The following PRR16 variants were observed in gnomAD, a reference collection of about 807,000 sequenced individuals.
PRR16 encodes proline rich 16.
A neutral mutation model predicts 18.2 loss-of-function variants in PRR16; 6 were observed. The ratio of observed to expected loss-of-function variants is 0.33; its 90% confidence interval spans 0.18 to 0.65. The LOEUF (loss-of-function observed/expected upper bound fraction) is 0.65, where lower values mean the gene tolerates loss of function less well. Among genes scored for constraint, PRR16 ranks in the 30% least tolerant of loss-of-function variants. The pLI, the probability that PRR16 is intolerant of heterozygous loss-of-function variation, is 0.74. For synonymous variants in PRR16, 151 were observed against 147.8 expected, an observed-to-expected ratio of 1.02 and a Z score of -0.16; for missense variants, 412 against 376.6, an observed-to-expected ratio of 1.09 and a Z score of -0.78.
intron 1 of PRR16, among the ~76,000 whole-genome samples, chr5:120,575,700 G>C (rs1360436592): frequency 1.3e-5 from 2 of 152,052 alleles, no homozygotes; most frequent in Admixed American, 1.3e-4. Context: ...ATACGGAATG[G>C]GGAAAAGCTG....
chr5:120,604,359 C>A (rs1754082841), intron 1 of PRR16, among the ~76,000 whole-genome samples: 1 of 151,980 alleles, frequency 6.6e-6, no homozygotes, highest in Non-Finnish European at 1.5e-5. Flanking sequence ...TTGTCTGAAA[C>A]AGGAATAGCA....
At position 120,683,308 on chromosome 5, in the gene PRR16, T is replaced by C. The variant is rs376938038; in HGVS notation, c.160-2646T>C. Reference sequence around the variant, plus strand: ...GCGTTTGAGACCAGCCTGGCCAACATAGTGAAATCCCGTCTCTTTTTGTAT... The same window carrying C: ...GCGTTTGAGACCAGCCTGGCCAACACAGTGAAATCCCGTCTCTTTTTGTAT... On this transcript the variant is annotated intron_variant, in intron 1 of 1. Coordinates refer to ENST00000407149, the MANE Select transcript of PRR16 (RefSeq NM_001300783.2). Among the ~76,000 whole-genome samples, 359 of 152,090 alleles carry C rather than the reference T, an allele frequency of 2.4e-3. 15 individuals are homozygous for C. The South Asian group carries it at 0.071, about 30-fold the overall frequency.
At chr5:120,711,498 A>G in the PRR16 span, among the ~76,000 whole-genome samples, 1 of 152,194 alleles carries the variant, frequency 6.6e-6, no homozygotes, top group African/African-American at 2.4e-5. Context: ...CTACTACCCC[A>G]AGCTGATTAA....
At chr5:120,783,347 T>G in the PRR16 span, among the ~76,000 whole-genome samples, 13 of 152,150 alleles carry the variant, frequency 8.5e-5, no homozygotes, top group African/African-American at 1.4e-4. Flanking sequence ...TCTAATTCAA[T>G]CATAGGTATT....
At chr5:120,523,853 C>G (rs1751267082) in intron 1 of PRR16, among the ~76,000 whole-genome samples, 1 of 152,000 alleles carries the variant, frequency 6.6e-6, no homozygotes, top group Non-Finnish European at 1.5e-5. Flanking sequence ...CAGAAACACT[C>G]TAATAAAAGT....
the PRR16 span, among the ~76,000 whole-genome samples, chr5:120,700,306 T>G: frequency 6.6e-6 from 1 of 152,126 alleles, no homozygotes; most frequent in Non-Finnish European, 1.5e-5. Flanking sequence ...GCTTTAAATC[T>G]TTTTAAAGCG....
intron 1 of PRR16, among the ~76,000 whole-genome samples, chr5:120,630,123 C>A (rs1451801057): frequency 6.6e-6 from 1 of 151,822 alleles, no homozygotes; most frequent in Non-Finnish European, 1.5e-5. Context: ...ATTTTTCTTA[C>A]TTTTATTCTT....
intron 1 of PRR16, among the ~76,000 whole-genome samples, chr5:120,651,399 T>A (rs1755784361): frequency 6.6e-6 from 1 of 152,198 alleles, no homozygotes; most frequent in African/African-American, 2.4e-5. Context: ...ATGAAGTCCT[T>A]GCCCATGCCT....
At chr5:120,742,625 A>C in the PRR16 span, among the ~76,000 whole-genome samples, 1 of 152,162 alleles carries the variant, frequency 6.6e-6, no homozygotes, top group Non-Finnish European at 1.5e-5. Flanking sequence ...TCTTCAAAGA[A>C]AGATTAATTT....
At chr5:120,729,414 A>G in the PRR16 span, among the ~76,000 whole-genome samples, 3 of 152,174 alleles carry the variant, frequency 2.0e-5, no homozygotes, top group Admixed American at 2.0e-4. Context: ...TAAAATGAAG[A>G]GTTGTATGAA....
At chr5:120,624,243 A>G (rs1465534159) in intron 1 of PRR16, among the ~76,000 whole-genome samples, 1 of 152,104 alleles carries the variant, frequency 6.6e-6, no homozygotes, top group Admixed American at 6.5e-5. Flanking sequence ...TCATCATTAC[A>G]CTCATATAAA....
At chr5:120,575,307 C>T (rs1018932298) in intron 1 of PRR16, among the ~76,000 whole-genome samples, 3 of 86,188 alleles carry the variant, frequency 3.5e-5, no homozygotes, top group Non-Finnish European at 4.6e-5. Context: ...GATTACAAAA[C>T]CAGACAAGGA....
chr5:120,786,877 C>T, the PRR16 span, among the ~76,000 whole-genome samples: 1 of 152,066 alleles, frequency 6.6e-6, no homozygotes, highest in Non-Finnish European at 1.5e-5. Flanking sequence ...GCATCATTCA[C>T]ATTTTGCATA....
At chr5:120,468,403 G>A (rs568167968) in intron 1 of PRR16, among the ~76,000 whole-genome samples, 18 of 152,194 alleles carry the variant, frequency 1.2e-4, no homozygotes, top group African/African-American at 4.3e-4. Context: ...GTTTTAAGAG[G>A]TAGTCACAGG....
the PRR16 span, among the ~76,000 whole-genome samples, chr5:120,767,305 G>C: frequency 1.3e-5 from 2 of 151,872 alleles, no homozygotes; most frequent in African/African-American, 4.8e-5. Flanking sequence ...ATGCCTCAGG[G>C]CACCATAGAA....
chr5:120,706,936 T>C, the PRR16 span, among the ~76,000 whole-genome samples: 1 of 152,198 alleles, frequency 6.6e-6, no homozygotes, highest in African/African-American at 2.4e-5. Flanking sequence ...TACCCTCTGA[T>C]AGACACTGGG....
chr5:120,774,042 C>T, the PRR16 span, among the ~76,000 whole-genome samples: 1 of 146,136 alleles, frequency 6.8e-6, no homozygotes, highest in Non-Finnish European at 1.5e-5. Flanking sequence ...GTATTACTAA[C>T]TAGCTTTTAT....
At chr5:120,536,494 C>A (rs1751720147) in intron 1 of PRR16, among the ~76,000 whole-genome samples, 1 of 151,984 alleles carries the variant, frequency 6.6e-6, no homozygotes, top group Non-Finnish European at 1.5e-5. Context: ...GATGAAATGT[C>A]CAAAAATGTC....
chr5:120,491,973 A>G (rs189309136), intron 1 of PRR16, among the ~76,000 whole-genome samples: 10 of 152,304 alleles, frequency 6.6e-5, no homozygotes, highest in East Asian at 3.9e-4. Context: ...GGTTGAATCA[A>G]TGCATTTAGA....
Sources: allele counts gnomAD v4.1 joint callset (sites outside exome capture counted in the v4.1 genomes callset), GRCh38; gene constraint gnomAD v4.1.1; transcripts MANE v1.5; gene names NCBI Gene and HGNC (gene_info 2026-07-23, HGNC 2026-07-21).